Variants in TNIP3 observed in about 807,000 individuals in gnomAD.
TNIP3 encodes TNFAIP3-interacting protein 3.
TNIP3 carries 34 observed loss-of-function variants against 54.1 expected under a neutral mutation model. The ratio of observed to expected loss-of-function variants is 0.63; its 90% confidence interval spans 0.48 to 0.84. The LOEUF is 0.84. Among genes scored for constraint, TNIP3 ranks in the 40% least tolerant of loss-of-function variants. The pLI is 0.00. For synonymous variants in TNIP3, 134 were observed against 136.8 expected (o/e 0.98, Z 0.14); for missense variants, 366 against 387.6 (o/e 0.94, Z 0.47).
intron 2 of TNIP3, among the ~76,000 whole-genome samples, chr4:121,214,664 A>G (rs1273076474): frequency 6.6e-6 from 1 of 152,156 alleles, no homozygotes; most frequent in Non-Finnish European, 1.5e-5. Context: ...TTCTGCTACC[A>G]AAGGAGGATG....
chr4:121,191,936 AT>A (rs1220606693), intron 2 of TNIP3, among the ~76,000 whole-genome samples: 6 of 152,210 alleles, frequency 3.9e-5, no homozygotes, highest in African/African-American at 1.2e-4. Flanking sequence ...TAAGGACATA[AT>A]TTTTATGAGT....
rs187855082 is a variant in TNIP3, at chr4:121,134,771, A to G, written c.947-2109T>C. 1.7e-3 allele frequency among the ~76,000 whole-genome samples: 257 copies of G among 152,260 alleles called. 3 individuals are homozygous for G. The highest frequency in any genetic ancestry group is 0.01 in the East Asian group (52 of 5,172). On this transcript the variant is annotated intron_variant, in intron 10 of 10. Transcript: ENST00000057513. Reference sequence around the variant, plus strand: ...TCCCTAGTCAGGAAGCCCTTCACTGATGTCCCCATCTTATAGAGGACTCTG... The same window carrying G: ...TCCCTAGTCAGGAAGCCCTTCACTGGTGTCCCCATCTTATAGAGGACTCTG...
chr4:121,133,617 G>C (rs1190735676), intron 10 of TNIP3, among the ~76,000 whole-genome samples: 1 of 152,194 alleles, frequency 6.6e-6, no homozygotes, highest in Non-Finnish European at 1.5e-5. Flanking sequence ...TAGAATTAAA[G>C]ATCAATAGCC....
chr4:121,203,283 C>T (rs1467139824), intron 2 of TNIP3, among the ~76,000 whole-genome samples: 1 of 151,884 alleles, frequency 6.6e-6, no homozygotes, highest in Non-Finnish European at 1.5e-5. Context: ...AAATACTATT[C>T]AGCCATAAAA....
In TNIP3 at chr4:121,151,575, A is replaced by G. The variant is rs367856157; in HGVS notation, c.493-1356T>C. 2.0e-5 allele frequency among the ~76,000 whole-genome samples: 3 copies of G among 152,136 alleles called. No individual in the cohort carries two copies. In the East Asian group the frequency reaches 5.8e-4, roughly 29 times the overall value. ...TTGAGGATTTGTGTTAAGCTCTAGG[A>G]AGTGTCAGAATAGTTCAATTTTTTT... On this transcript the variant is annotated intron_variant, in intron 5 of 10. Coordinates refer to ENST00000057513, the MANE Select transcript of TNIP3 (RefSeq NM_024873.6).
intron 1 of TNIP3, among the ~76,000 whole-genome samples, chr4:121,225,185 C>T (rs1216145104): frequency 6.6e-6 from 1 of 152,162 alleles, no homozygotes; most frequent in Non-Finnish European, 1.5e-5. Context: ...TATTACTTAT[C>T]ACAATGATCC....
rs537924481 is a variant in TNIP3 at position 121,163,937 on chromosome 4, C to A, written c.66+123G>T. 5.0e-5 allele frequency: 57 copies of A among 1,132,532 alleles called. No individual in the cohort carries two copies. In the African/African-American group the frequency reaches 7.7e-4, roughly 15 times the overall value. 70.2% of individuals were successfully genotyped at this position (1,132,532 alleles called of 1,614,324 possible). A position where few individuals can be genotyped will look rare whatever the true frequency, so the allele number is the denominator to read the frequency against. On this transcript the variant is annotated intron_variant, in intron 1 of 10. Transcript: ENST00000057513. ...CATAATTTTGGTTAAAAATATAGAG[C>A]AAATCTTAGCTAAAGAAAGCAAACT...
chr4:121,158,829 C>T, intron 2 of TNIP3, 77 bp from the exon 3 acceptor site: 3 of 1,202,780 alleles, frequency 2.5e-6, no homozygotes, highest in Non-Finnish European at 3.6e-6. Context: ...AAATTACTTT[C>T]TGAGCTTATT....
At chr4:121,201,297 A>G (rs1010924009) in intron 2 of TNIP3, among the ~76,000 whole-genome samples, 2 of 152,168 alleles carry the variant, frequency 1.3e-5, no homozygotes, top group African/African-American at 2.4e-5. Context: ...AGGACGTTCT[A>G]TGCAAGATGG....
upstream of TNIP3, among the ~76,000 whole-genome samples, chr4:121,166,694 C>T (rs1730784848): frequency 6.6e-6 from 1 of 152,118 alleles, no homozygotes; most frequent in African/African-American, 2.4e-5. Context: ...AAAATTAGTC[C>T]AAGAGGAGAG....
chr4:121,158,827 T>C (rs1030969045), intron 2 of TNIP3, 75 bp from the exon 3 acceptor site: 4 of 1,227,996 alleles, frequency 3.3e-6, no homozygotes, highest in South Asian at 1.3e-5. Flanking sequence ...AGAAATTACT[T>C]TCTGAGCTTA....
chr4:121,188,069 G>T (rs1388933224), intron 2 of TNIP3, among the ~76,000 whole-genome samples: 1 of 152,000 alleles, frequency 6.6e-6, no homozygotes, highest in Non-Finnish European at 1.5e-5. Context: ...AATTATGGAG[G>T]CAATATTATT....
At position 121,226,655 on chromosome 4, in the gene TNIP3, G is replaced by A. The variant is rs375289902; in HGVS notation, c.3+730C>T. Among the ~76,000 whole-genome samples the A allele has an allele frequency of 7.9e-5, 12 of 152,302 alleles. No individual in the cohort carries two copies. In the East Asian group the frequency reaches 1.2e-3, roughly 15 times the overall value. The stretch of plus-strand genomic sequence containing the variant: ...CAGATTCAAGAAATATCAGCACTGC[G>A]CCTGTAAGCATCTAGTCTACCTTTG... On this transcript the variant is annotated intron_variant, in intron 1 of 12. Transcript: ENST00000509841.
chr4:121,170,107 C>T (rs1579433755), intron 3 of TNIP3, among the ~76,000 whole-genome samples: 1 of 152,290 alleles, frequency 6.6e-6, no homozygotes, highest in East Asian at 1.9e-4. Context: ...GTGGAGTTAG[C>T]TACTTCCTTC....
chr4:121,159,549 A>C (rs926817835), intron 2 of TNIP3, among the ~76,000 whole-genome samples: 2 of 152,250 alleles, frequency 1.3e-5, no homozygotes, highest in African/African-American at 4.8e-5. Context: ...ATGCTAACAA[A>C]GCCTAGGCTC....
At chr4:121,196,988 T>G (rs1166111614) in intron 2 of TNIP3, among the ~76,000 whole-genome samples, 1 of 152,030 alleles carries the variant, frequency 6.6e-6, no homozygotes, top group African/African-American at 2.4e-5. Flanking sequence ...AGAATTCAGT[T>G]TAAAGCATTC....
At chr4:121,146,037 T>C (rs1032473316) in intron 7 of TNIP3, among the ~76,000 whole-genome samples, 1 of 151,740 alleles carries the variant, frequency 6.6e-6, no homozygotes. Context: ...TTACCAAGAG[T>C]AATCAGAACA....
upstream of TNIP3, among the ~76,000 whole-genome samples, chr4:121,165,657 GTT>G (rs1046049230): frequency 2.2e-5 from 3 of 135,322 alleles, no homozygotes; most frequent in African/African-American, 9.5e-5. Flanking sequence ...CTTTTTGCTA[GTT>G]TGTGTGTGTG....
upstream of TNIP3, among the ~76,000 whole-genome samples, chr4:121,219,647 T>G (rs895104335): frequency 1.3e-5 from 2 of 152,232 alleles, no homozygotes; most frequent in African/African-American, 4.8e-5. Context: ...GTATTACCAG[T>G]CATACTCAAA....
Sources: gnomAD v4.1 joint callset for allele counts (sites outside exome capture counted in the v4.1 genomes callset) on GRCh38, gnomAD v4.1.1 for gene constraint, MANE v1.5 for transcripts, NCBI Gene and HGNC (gene_info 2026-07-23, HGNC 2026-07-21) for gene names.